Variants in B3GALT1 observed in about 807,000 individuals in gnomAD.
The protein encoded by B3GALT1 is beta-1,3-galactosyltransferase 1, also known as UDP-Gal:betaGlcNAc beta 1,3-galactosyltransferase, polypeptide 1.
In B3GALT1, 10 loss-of-function variants were observed where a neutral mutation model predicts 23.2. That is an observed-to-expected ratio of 0.43 (90% CI 0.27 to 0.73). The LOEUF (loss-of-function observed/expected upper bound fraction) is 0.73. Ranked by LOEUF, B3GALT1 falls within the 30% of genes least tolerant of loss-of-function variation. The probability of loss-of-function intolerance (pLI) is 0.21; values close to 1 mark genes in which losing one functional copy is unlikely to be tolerated. For synonymous variants in B3GALT1, 156 were observed against 141.5 expected (o/e 1.10, Z -0.73); for missense variants, 299 against 405.4 (o/e 0.74, Z 2.25).
chr2:167,420,478 T>G (rs1254834141), intron 1 of B3GALT1, among the ~76,000 whole-genome samples: 3 of 152,242 alleles, frequency 2.0e-5, no homozygotes, highest in Non-Finnish European at 4.4e-5. Flanking sequence ...GGTGTGGTTT[T>G]GTTTTTATAA....
At chr2:167,451,600 A>C (rs1013608989) in intron 1 of B3GALT1, among the ~76,000 whole-genome samples, 1 of 152,184 alleles carries the variant, frequency 6.6e-6, no homozygotes, top group Non-Finnish European at 1.5e-5. Flanking sequence ...TGGAGGTGAC[A>C]GGGGAGTGAA....
At chr2:167,304,992 C>T (rs923907328) in intron 1 of B3GALT1, among the ~76,000 whole-genome samples, 4 of 152,270 alleles carry the variant, frequency 2.6e-5, no homozygotes, top group Middle Eastern at 3.4e-3. Context: ...GTTCTATTCT[C>T]ACCCTCAAAG....
chr2:167,784,868 C>T (rs568309438), intron 3 of B3GALT1, among the ~76,000 whole-genome samples: 6 of 152,190 alleles, frequency 3.9e-5, no homozygotes, highest in African/African-American at 9.6e-5. Flanking sequence ...GTTCTCAGAG[C>T]GAATGAGGAC....
intron 2 of B3GALT1, among the ~76,000 whole-genome samples, chr2:167,517,181 T>A (rs371210504): frequency 2.1e-4 from 32 of 151,950 alleles, no homozygotes; most frequent in African/African-American, 7.5e-4. Context: ...TTCTTCTCTC[T>A]GTTAAAACAT....
chr2:167,499,323 T>C (rs1430944011), intron 2 of B3GALT1, among the ~76,000 whole-genome samples: 1 of 152,136 alleles, frequency 6.6e-6, no homozygotes, highest in Non-Finnish European at 1.5e-5. Context: ...CACCACATTT[T>C]CCCCTAAGGC....
At chr2:167,600,098 A>G (rs957955902) in intron 2 of B3GALT1, among the ~76,000 whole-genome samples, 12 of 152,200 alleles carry the variant, frequency 7.9e-5, no homozygotes, top group African/African-American at 2.7e-4. Flanking sequence ...GAGACAGCCC[A>G]TTCAGGATAA....
At chr2:167,550,041 A>T (rs575460822) in intron 2 of B3GALT1, among the ~76,000 whole-genome samples, 17 of 152,302 alleles carry the variant, frequency 1.1e-4, no homozygotes, top group African/African-American at 3.8e-4. Context: ...GTAGTATTTC[A>T]TACCATTTTC....
chr2:167,600,620 T>A (rs368291046), intron 2 of B3GALT1, among the ~76,000 whole-genome samples: 1 of 151,946 alleles, frequency 6.6e-6, no homozygotes, highest in African/African-American at 2.4e-5. Flanking sequence ...ATATCTCATA[T>A]AATGGAACTA....
At chr2:167,868,629 T>C (rs933889568) in intron 4 of B3GALT1, among the ~76,000 whole-genome samples, 182 bp from the exon 5 acceptor site, 1 of 152,188 alleles carries the variant, frequency 6.6e-6, no homozygotes. Context: ...ATACACAGCT[T>C]CTATCAAGGA....
chr2:167,494,433 C>T (rs553107698), intron 2 of B3GALT1, among the ~76,000 whole-genome samples: 1 of 151,722 alleles, frequency 6.6e-6, no homozygotes, highest in African/African-American at 2.4e-5. Context: ...TAAGTTAGTA[C>T]CCTCATTCCA....
At chr2:167,732,491 A>T (rs771795268) in intron 3 of B3GALT1, among the ~76,000 whole-genome samples, 2 of 152,224 alleles carry the variant, frequency 1.3e-5, no homozygotes, top group Non-Finnish European at 2.9e-5. Flanking sequence ...CATGCAGTGG[A>T]TATGCCACTG....
intron 1 of B3GALT1, among the ~76,000 whole-genome samples, chr2:167,481,708 C>T (rs1699565086): frequency 6.6e-6 from 1 of 152,204 alleles, no homozygotes; most frequent in African/African-American, 2.4e-5. Context: ...ATTTTTCAAA[C>T]AGTAACAGCC....
chr2:167,497,660 T>C (rs1394154527), intron 2 of B3GALT1, among the ~76,000 whole-genome samples: 1 of 151,986 alleles, frequency 6.6e-6, no homozygotes, highest in Non-Finnish European at 1.5e-5. Context: ...AAAACCAGGA[T>C]TGTGCCTGTC....
At chr2:167,385,663 T>C (rs1244366421) in intron 1 of B3GALT1, among the ~76,000 whole-genome samples, 1 of 152,308 alleles carries the variant, frequency 6.6e-6, no homozygotes, top group East Asian at 1.9e-4. Flanking sequence ...ACCATACTGC[T>C]AGGAAATAAC....
chr2:167,463,445 T>C (rs1699297074), intron 1 of B3GALT1, among the ~76,000 whole-genome samples: 1 of 152,126 alleles, frequency 6.6e-6, no homozygotes, highest in Non-Finnish European at 1.5e-5. Flanking sequence ...TTCTAAGTAT[T>C]TTACCTGTAT....
intron 1 of B3GALT1, among the ~76,000 whole-genome samples, chr2:167,386,312 T>A (rs1697929277): frequency 1.3e-5 from 2 of 151,852 alleles, no homozygotes; most frequent in Non-Finnish European, 2.9e-5. Context: ...AAAAAAAAAA[T>A]TCTGCTTCCC....
chr2:167,542,679 A>C (rs1683551312), intron 2 of B3GALT1, among the ~76,000 whole-genome samples: 1 of 152,154 alleles, frequency 6.6e-6, no homozygotes, highest in Non-Finnish European at 1.5e-5. Flanking sequence ...TGTTGATGGA[A>C]AAGCAAGTCC....
At chr2:167,729,837 C>T (rs532991989) in intron 3 of B3GALT1, among the ~76,000 whole-genome samples, 5 of 152,190 alleles carry the variant, frequency 3.3e-5, no homozygotes, top group Admixed American at 6.5e-5. Flanking sequence ...TTGATAAAAG[C>T]ATGAAAAGAG....
At chr2:167,377,018 C>A (rs1165898397) in intron 1 of B3GALT1, among the ~76,000 whole-genome samples, 1 of 152,048 alleles carries the variant, frequency 6.6e-6, no homozygotes, top group Non-Finnish European at 1.5e-5. Context: ...TGCTGCATCC[C>A]AGAGGTTTTC....
Sources: allele counts gnomAD v4.1 joint callset (sites outside exome capture counted in the v4.1 genomes callset), GRCh38; gene constraint gnomAD v4.1.1; transcripts MANE v1.5; gene names NCBI Gene and HGNC (gene_info 2026-07-23, HGNC 2026-07-21).